HIPK4: variants seen among roughly 807,000 people sequenced by gnomAD.
HIPK4 encodes the protein homeodomain-interacting protein kinase 4.
Under a neutral mutation model 44.8 loss-of-function variants are expected in HIPK4, and 26 were observed. The observed-to-expected ratio is 0.58, with a 90% confidence interval of 0.43 to 0.80. HIPK4 has a LOEUF of 0.80. Ranked by LOEUF, HIPK4 falls within the 30% of genes least tolerant of loss-of-function variation. The probability of loss-of-function intolerance (pLI) is 0.00; values close to 1 mark genes in which losing one functional copy is unlikely to be tolerated. For missense variants in HIPK4, 729 were observed against 862.6 expected, an observed-to-expected ratio of 0.85 and a Z score of 1.94; for synonymous variants, 340 against 355.5, an observed-to-expected ratio of 0.96 and a Z score of 0.49.
At chr19:40,383,332 T>A (rs982150484) in intron 2 of HIPK4, among the ~76,000 whole-genome samples, 21 of 152,156 alleles carry the variant, frequency 1.4e-4, no homozygotes, top group African/African-American at 4.8e-4. Flanking sequence ...TCCACCCACC[T>A]CGGACTCCCA....
intron 1 of HIPK4, among the ~76,000 whole-genome samples, chr19:40,385,683 C>CTTTTTTTTTTTTTTTTTTTTTTTT (rs142414559): frequency 4.2e-4 from 28 of 67,014 alleles, no homozygotes; most frequent in East Asian, 7.0e-4. Context: ...CTTTTCTTTT[C>CTTTTTTTTTTTTTTTTTTTTTTTT]TTTTTTTTTT....
At chr19:40,385,683 C>CT (rs142414559) in intron 1 of HIPK4, among the ~76,000 whole-genome samples, 5,729 of 67,152 alleles carry the variant, frequency 0.085, 591 homozygotes, top group Non-Finnish European at 0.11. Flanking sequence ...CTTTTCTTTT[C>CT]TTTTTTTTTT....
In HIPK4 at chr19:40,386,749, G is replaced by A. The variant is rs76934524; in HGVS notation, c.466-2610C>T. ...ACTGTATCCCTAGATGCCTAGAACAGGGCTTGGCACACAGCAGGGGCTCAG... is the reference window on the plus strand; with the variant it reads ...ACTGTATCCCTAGATGCCTAGAACAAGGCTTGGCACACAGCAGGGGCTCAG... On this transcript the variant is annotated intron_variant, in intron 1 of 3. Coordinates refer to ENST00000291823, the MANE Select transcript of HIPK4 (RefSeq NM_144685.5). Among the ~76,000 whole-genome samples the A allele has an allele frequency of 7.8e-3, 1,195 of 152,318 alleles. 32 individuals carry two copies. In the East Asian group the frequency reaches 0.08, roughly 10 times the overall value.
At chr19:40,381,514 T>A (rs1373838705) in intron 2 of HIPK4, among the ~76,000 whole-genome samples, 1 of 152,200 alleles carries the variant, frequency 6.6e-6, no homozygotes, top group African/African-American at 2.4e-5. Flanking sequence ...CCACACTTGA[T>A]CCCAGGCCTC....
At chr19:40,381,735 C>G in intron 2 of HIPK4, among the ~76,000 whole-genome samples, 1 of 148,004 alleles carries the variant, frequency 6.8e-6, no homozygotes, top group East Asian at 2.0e-4. Flanking sequence ...AGGTAGCAGA[C>G]TGGCTGCTGC....
intron 2 of HIPK4, among the ~76,000 whole-genome samples, chr19:40,383,072 CTTTT>C (rs1568695159): frequency 2.3e-5 from 3 of 132,636 alleles, no homozygotes; most frequent in Non-Finnish European, 4.7e-5. Context: ...AAATATTTTT[CTTTT>C]CTTTCTTTTT....
Position 40,379,778 on chromosome 19 carries a change from G to A in HIPK4, c.1669-9C>T, listed in dbSNP as rs2079321424. 1 of 1,605,496 alleles carries A rather than the reference G, an allele frequency of 6.2e-7. No individual in the cohort carries two copies. ...AGCTCAGGGTCTGGCCTCTGTGGGGGAAGAGAGAGGGGCATCAGCCAAGCA... is the reference window on the plus strand; with the variant it reads ...AGCTCAGGGTCTGGCCTCTGTGGGGAAAGAGAGAGGGGCATCAGCCAAGCA... On this transcript the variant is annotated splice_polypyrimidine_tract_variant and intron_variant, in intron 3 of 3. Coordinates refer to ENST00000291823, the MANE Select transcript of HIPK4 (RefSeq NM_144685.5).
At chr19:40,384,902 G>A (rs1382976999) in intron 1 of HIPK4, among the ~76,000 whole-genome samples, 3 of 152,230 alleles carry the variant, frequency 2.0e-5, no homozygotes, top group South Asian at 2.1e-4. Flanking sequence ...ATGAGCCACC[G>A]CACCCAGCTG....
intron 3 of HIPK4, 42 bp from the exon 4 acceptor site, chr19:40,379,811 T>A (rs1413177514): frequency 1.9e-6 from 3 of 1,578,834 alleles, no homozygotes; most frequent in Non-Finnish European, 1.7e-6. Context: ...GCAGTGTTAG[T>A]GTATTAGTGT....
chr19:40,387,517 C>T (rs780585982), intron 1 of HIPK4, among the ~76,000 whole-genome samples: 2 of 152,114 alleles, frequency 1.3e-5, no homozygotes, highest in Non-Finnish European at 1.5e-5. Flanking sequence ...ACTCTTTTGT[C>T]CAAGCTGGAG....
chr19:40,383,144 G>A (rs1482580739), intron 2 of HIPK4, among the ~76,000 whole-genome samples: 2 of 144,366 alleles, frequency 1.4e-5, no homozygotes, highest in Non-Finnish European at 1.5e-5. Flanking sequence ...GTGCAGTGGT[G>A]GGATCTCGGC....
At position 40,379,657 on chromosome 19, in the gene HIPK4, C is replaced by CG. The variant is rs1555798909; in HGVS notation, c.1780dup (p.Arg594ProfsTer55). On this transcript the variant is annotated frameshift_variant, in exon 4 of 4. Coordinates refer to ENST00000291823, the MANE Select transcript of HIPK4 (RefSeq NM_144685.5). LOFTEE classifies it high-confidence loss of function. ...GGGTGGACCATGCTGGTGGGAGCGG[C>CG]GGGGTGGGAGCCCCTGAGCCCGTGG... 2 of 1,548,310 alleles carry CG rather than the reference C, an allele frequency of 1.3e-6. No homozygotes were observed. The highest frequency in any genetic ancestry group is 2.0e-5 in the Admixed American group (1 of 50,554).
rs1397757886 is a variant in HIPK4 at position 40,379,573 on chromosome 19, G to A, written c.*14C>T. Reference sequence around the variant, plus strand: ...TAGCGCAGCCCCCAGTGATGGGCAGGGGTGGAATCACCATCAGTGGTGCCC... The same window carrying A: ...TAGCGCAGCCCCCAGTGATGGGCAGAGGTGGAATCACCATCAGTGGTGCCC... On this transcript the variant is annotated 3_prime_UTR_variant, in exon 4 of 4. Transcript: ENST00000291823. 1 of 1,510,238 alleles carries A rather than the reference G, an allele frequency of 6.6e-7. No homozygotes were observed. Among genetic ancestry groups the A allele is most frequent in the East Asian group, 2.6e-5 (1 of 38,540 alleles). 93.6% of individuals were successfully genotyped at this position (1,510,238 alleles called of 1,614,324 possible).
At chr19:40,383,761 C>A (rs1465360790) in intron 2 of HIPK4, 22 bp downstream of exon 2, 1 of 1,577,726 alleles carries the variant, frequency 6.3e-7, no homozygotes, top group South Asian at 1.1e-5. Flanking sequence ...CACTGACTGC[C>A]CTCACCCAAC....
At position 40,389,106 on chromosome 19, in the gene HIPK4, C is replaced by T. The variant is rs1324772288; in HGVS notation, c.465+332G>A. On this transcript the variant is annotated intron_variant, in intron 1 of 3. Transcript: ENST00000291823. This position sits in a 1 kb window ranked among gnomAD's most constrained non-coding sequence, Gnocchi z 4.6. ...GCTGAGGCAGGAGAATCGCTTGAAC[C>T]CGGGAGGCGGAGGCAGTGAACCAAG... Among the ~76,000 whole-genome samples, 1 of 151,604 alleles carries T rather than the reference C, an allele frequency of 6.6e-6. No individual in the cohort carries two copies. The highest frequency in any genetic ancestry group is 1.5e-5 in the Non-Finnish European group (1 of 67,944).
chr19:40,384,186 G>T, intron 1 of HIPK4, 47 bp from the exon 2 acceptor site: 1 of 1,479,450 alleles, frequency 6.8e-7, no homozygotes, highest in Non-Finnish European at 9.2e-7. Context: ...AAGCAGCAGG[G>T]ACAGCCGAGC....
chr19:40,381,825 G>A (rs2079338685), intron 2 of HIPK4, among the ~76,000 whole-genome samples: 1 of 122,888 alleles, frequency 8.1e-6, no homozygotes, highest in Non-Finnish European at 1.6e-5. Flanking sequence ...ATGTGTGTGA[G>A]ACAGAGTTTC....
At chr19:40,384,643 A>C (rs2079354991) in intron 1 of HIPK4, among the ~76,000 whole-genome samples, 3 of 129,302 alleles carry the variant, frequency 2.3e-5, no homozygotes, top group African/African-American at 6.0e-5. Flanking sequence ...ACCGAGTCTC[A>C]CTCTGTCGCC....
Position 40,380,905 on chromosome 19 carries a change from G to A in HIPK4, c.1086C>T (p.Tyr362=). The A allele has an allele frequency of 6.2e-7, 1 of 1,604,166 alleles. No individual in the cohort carries two copies. The highest frequency in any genetic ancestry group is 8.5e-7 in the Non-Finnish European group (1 of 1,172,234). Reference sequence around the variant, plus strand: ...GGCGGTAGCTGCGCAGCGAGAGCTGGTAGTAGTGGGTGGTCTCGTGGGCAC... The same window carrying A: ...GGCGGTAGCTGCGCAGCGAGAGCTGATAGTAGTGGGTGGTCTCGTGGGCAC... ...LRSAHETTHY[Y]QLSLRSYRLS... Residue 362 remains tyrosine (Y), a synonymous_variant, in exon 3 of 4, where the codon TAC becomes TAT. Transcript: ENST00000291823. This position sits in a 1 kb window ranked among gnomAD's most constrained non-coding sequence, Gnocchi z 4.2.
Sources: allele counts gnomAD v4.1 joint callset (sites outside exome capture counted in the v4.1 genomes callset), GRCh38; gene constraint gnomAD v4.1.1; non-coding constraint Gnocchi (gnomAD v3.1); transcripts MANE v1.5; gene names NCBI Gene and HGNC (gene_info 2026-07-23, HGNC 2026-07-21).